Variants in DOCK5 observed in about 807,000 individuals in gnomAD.
DOCK5 encodes dedicator of cytokinesis protein 5.
In DOCK5, 142 loss-of-function variants were observed where a neutral mutation model predicts 251.8. That is an observed-to-expected ratio of 0.56 (90% CI 0.49 to 0.65). The LOEUF (loss-of-function observed/expected upper bound fraction) is 0.65. Among genes scored for constraint, DOCK5 ranks in the 30% least tolerant of loss-of-function variants. DOCK5 has a pLI of 0.00. For synonymous variants in DOCK5, 842 were observed against 835.5 expected (o/e 1.01, Z -0.13); for missense variants, 2,111 against 2,312.3 (o/e 0.91, Z 1.79).
intron 3 of DOCK5, chr8:25,271,300 A>G (rs903559100): frequency 6.5e-6 from 1 of 152,988 alleles, no homozygotes; most frequent in Non-Finnish European, 1.5e-5. Context: ...TTCTAATTCA[A>G]TGAAATGATG....
At chr8:25,271,740 A>G (rs1363388637) in intron 3 of DOCK5, among the ~76,000 whole-genome samples, 1 of 152,188 alleles carries the variant, frequency 6.6e-6, no homozygotes, top group Non-Finnish European at 1.5e-5. Context: ...TTATTTTTCT[A>G]CTCAAGTGAG....
chr8:25,411,128 G>A, intron 51 of DOCK5, 66 bp from the exon 52 acceptor site: 1 of 1,431,568 alleles, frequency 7.0e-7, no homozygotes. Context: ...TGAGAAATAG[G>A]AGGAGAAGGC....
chr8:25,261,419 A>G (rs1803578836), intron 2 of DOCK5, among the ~76,000 whole-genome samples: 1 of 152,224 alleles, frequency 6.6e-6, no homozygotes, highest in South Asian at 2.1e-4. Flanking sequence ...CTTTGGGAAG[A>G]CAAAATACCA....
At chr8:25,326,075 T>G (rs946771390) in intron 18 of DOCK5, among the ~76,000 whole-genome samples, 2 of 152,234 alleles carry the variant, frequency 1.3e-5, no homozygotes, top group Non-Finnish European at 2.9e-5. Context: ...TCATTTGGTT[T>G]TTCCTTCAAA....
intron 14 of DOCK5, among the ~76,000 whole-genome samples, chr8:25,319,207 A>G (rs1735788017): frequency 6.6e-6 from 1 of 152,230 alleles, no homozygotes; most frequent in Non-Finnish European, 1.5e-5. Flanking sequence ...GCTTTTCTGC[A>G]AATAGCGGCG....
chr8:25,258,558 C>T (rs944445342), intron 2 of DOCK5, among the ~76,000 whole-genome samples: 2 of 152,084 alleles, frequency 1.3e-5, no homozygotes, highest in East Asian at 1.9e-4. Context: ...GCATTCTGGC[C>T]GTGTAGGCAG....
At chr8:25,361,481 G>T (rs1422256083) in intron 28 of DOCK5, among the ~76,000 whole-genome samples, 3 of 152,094 alleles carry the variant, frequency 2.0e-5, no homozygotes, top group African/African-American at 7.2e-5. Flanking sequence ...AGGGGTGATG[G>T]CAGACACCCG....
At chr8:25,263,710 C>T (rs867228923) in intron 2 of DOCK5, among the ~76,000 whole-genome samples, 2 of 151,694 alleles carry the variant, frequency 1.3e-5, no homozygotes, top group African/African-American at 4.9e-5. Flanking sequence ...TCTGACACCC[C>T]GTCTGCTCCC....
intron 14 of DOCK5, among the ~76,000 whole-genome samples, chr8:25,318,331 T>C (rs1050547139): frequency 6.6e-5 from 10 of 151,466 alleles, no homozygotes; most frequent in African/African-American, 2.4e-4. Flanking sequence ...CCTCATGATC[T>C]GCCTGCCTCA....
At chr8:25,243,871 A>G (rs1363966557) in intron 2 of DOCK5, 114 bp downstream of exon 2, 7 of 1,036,592 alleles carry the variant, frequency 6.8e-6, no homozygotes, top group Middle Eastern at 4.2e-4. Flanking sequence ...AAACAGTGCT[A>G]GTAAAAATTC....
At chr8:25,306,571 G>A (rs1804938109) in intron 11 of DOCK5, among the ~76,000 whole-genome samples, 1 of 151,714 alleles carries the variant, frequency 6.6e-6, no homozygotes, top group Non-Finnish European at 1.5e-5. Context: ...GCGGGCGCCT[G>A]TAGTCCCAGC....
intron 5 of DOCK5, among the ~76,000 whole-genome samples, chr8:25,290,748 A>G (rs1246874349): frequency 2.6e-5 from 4 of 152,198 alleles, no homozygotes; most frequent in Non-Finnish European, 5.9e-5. Flanking sequence ...TCTCTGTCCT[A>G]TAAAGGCCTA....
intron 2 of DOCK5, among the ~76,000 whole-genome samples, chr8:25,264,777 A>C (rs1373779449): frequency 6.6e-6 from 1 of 151,586 alleles, no homozygotes; most frequent in Non-Finnish European, 1.5e-5. Flanking sequence ...CAGTGAACCA[A>C]CATTGCACCA....
chr8:25,235,398 C>T (rs1182211852), intron 1 of DOCK5, among the ~76,000 whole-genome samples: 1 of 152,014 alleles, frequency 6.6e-6, no homozygotes, highest in Non-Finnish European at 1.5e-5. Flanking sequence ...GTAGCTAGGA[C>T]CATAGGCACA....
In DOCK5 at chr8:25,372,205, C is replaced by T. The variant is rs140773752; in HGVS notation, c.3525-354C>T. ...AATTAGAGTCCTCACAGAGCACACA[C>T]GAACCTTTTGAGCAAGGGTTTGTTG... On this transcript the variant is annotated intron_variant, in intron 34 of 51. Transcript: ENST00000276440. 3.3e-5 allele frequency among the ~76,000 whole-genome samples: 5 copies of T among 152,132 alleles called. No homozygotes were observed. In the South Asian group the frequency reaches 6.2e-4, roughly 19 times the overall value.
At chr8:25,326,611 A>G (rs1426899127) in intron 18 of DOCK5, among the ~76,000 whole-genome samples, 1 of 152,250 alleles carries the variant, frequency 6.6e-6, no homozygotes, top group Non-Finnish European at 1.5e-5. Flanking sequence ...GAATCCATTA[A>G]CAATGAACTG....
chr8:25,294,417 C>T (rs1034261366), intron 6 of DOCK5, among the ~76,000 whole-genome samples: 13 of 152,272 alleles, frequency 8.5e-5, no homozygotes, highest in Middle Eastern at 3.4e-3. Flanking sequence ...TATCCCTGAG[C>T]GGTCTTGCTC....
At chr8:25,257,960 A>C (rs1382371556) in intron 2 of DOCK5, among the ~76,000 whole-genome samples, 6 of 152,170 alleles carry the variant, frequency 3.9e-5, no homozygotes, top group African/African-American at 1.4e-4. Flanking sequence ...TTAGACTTTT[A>C]GCAAGAAGGA....
chr8:25,303,431 G>A (rs756115671), intron 10 of DOCK5, among the ~76,000 whole-genome samples: 5 of 152,290 alleles, frequency 3.3e-5, no homozygotes, highest in African/African-American at 4.8e-5. Context: ...ACAATGTTGT[G>A]TTTGTTTCTA....
Sources: allele counts gnomAD v4.1 joint callset (sites outside exome capture counted in the v4.1 genomes callset), GRCh38; gene constraint gnomAD v4.1.1; transcripts MANE v1.5; gene names NCBI Gene and HGNC (gene_info 2026-07-23, HGNC 2026-07-21).